The following ARL8B variants were observed in gnomAD, a reference collection of about 807,000 sequenced individuals.
The protein encoded by ARL8B is ADP-ribosylation factor-like protein 8B.
A neutral mutation model predicts 30.6 loss-of-function variants in ARL8B; 9 were observed. The observed-to-expected ratio is 0.29, with a 90% CI of 0.18 to 0.51. The LOEUF (loss-of-function observed/expected upper bound fraction) is 0.51, where lower values mean the gene tolerates loss of function less well. Among genes scored for constraint, ARL8B ranks in the 20% least tolerant of loss-of-function variants. The pLI, the probability that ARL8B is intolerant of heterozygous loss-of-function variation, is 0.97. For synonymous variants in ARL8B, 74 were observed against 76.0 expected (o/e 0.97, Z 0.14); for missense variants, 130 against 227.2 (o/e 0.57, Z 2.75).
chr3:5,174,132 AT>A (rs2106573032), intron 5 of ARL8B, 48 bp downstream of exon 5: 1 of 1,514,234 alleles, frequency 6.6e-7, no homozygotes, highest in Non-Finnish European at 9.1e-7. Flanking sequence ...AAATTACCAT[AT>A]TTTGCCCACT....
rs1002841357 is a variant in ARL8B at position 5,178,976 on chromosome 3, GA to G, written c.*271del. The G allele has an allele frequency of 2.4e-5, 9 of 372,664 alleles. No homozygotes were observed. The highest frequency in any genetic ancestry group is 1.6e-4 in the South Asian group (2 of 12,140). 23.1% of individuals were successfully genotyped at this position (372,664 alleles called of 1,614,324 possible). ...AACCATGTGTAGAGCTTTAAAAACA[GA>G]AAAAAAACCCCATATACTTATGACC... On this transcript the variant is annotated 3_prime_UTR_variant, in exon 7 of 7. Transcript: ENST00000256496.
At chr3:5,134,263 C>G (rs182910550) in intron 1 of ARL8B, among the ~76,000 whole-genome samples, 1 of 152,328 alleles carries the variant, frequency 6.6e-6, no homozygotes, top group East Asian at 1.9e-4. Flanking sequence ...GCAGAATGTT[C>G]TCCACTCCTC....
At chr3:5,127,354 TG>T (rs2106551686) in intron 1 of ARL8B, among the ~76,000 whole-genome samples, 1 of 152,358 alleles carries the variant, frequency 6.6e-6, no homozygotes, top group East Asian at 1.9e-4. Flanking sequence ...ACATCTTTTT[TG>T]TATTTAATTT....
Position 5,172,680 on chromosome 3 carries a change from A to G in ARL8B, c.312A>G (p.Ile104Met). 1.2e-6 allele frequency: 2 copies of G among 1,612,630 alleles called. No homozygotes were observed. Among genetic ancestry groups the G allele is most frequent in the Non-Finnish European group, 8.5e-7 (1 of 1,179,154 alleles). The change falls in exon 4 of 7, where the codon ATA (isoleucine) becomes ATG (methionine). Residue 104 changes from isoleucine to methionine, a missense_variant. Coordinates refer to ENST00000256496, the MANE Select transcript of ARL8B (RefSeq NM_018184.3). Reference sequence around the variant, plus strand: ...TAGATGCTGCAGATCGTGAAAAGATAGAAGCTTCCCGAAATGAGCTACATA... The same window carrying G: ...TAGATGCTGCAGATCGTGAAAAGATGGAAGCTTCCCGAAATGAGCTACATA... ...YMIDAADREK[I>M]EASRNELHNL...
chr3:5,149,035 C>T (rs747326005), intron 1 of ARL8B, among the ~76,000 whole-genome samples: 4 of 152,200 alleles, frequency 2.6e-5, no homozygotes, highest in Non-Finnish European at 4.4e-5. Context: ...TCGGTTTGTC[C>T]GTCTCTGGCT....
intron 1 of ARL8B, among the ~76,000 whole-genome samples, chr3:5,139,911 A>G (rs2054357112): frequency 1.3e-5 from 2 of 151,520 alleles, no homozygotes; most frequent in South Asian, 4.2e-4. Flanking sequence ...CAGGGCTCAT[A>G]GGTCTTTCTG....
intron 1 of ARL8B, among the ~76,000 whole-genome samples, chr3:5,134,586 T>C (rs1049118737): frequency 1.3e-5 from 2 of 152,336 alleles, no homozygotes; most frequent in South Asian, 4.1e-4. Flanking sequence ...GATTTTTCTT[T>C]GGTGCCAGGT....
intron 4 of ARL8B, 97 bp from the exon 5 acceptor site, chr3:5,173,920 T>C (rs9814309): frequency 0.032 from 29,132 of 918,070 alleles, 636 homozygotes; most frequent in Non-Finnish European, 0.043. Context: ...TGGAATGTGT[T>C]AACATCTTAA....
At chr3:5,123,243 A>G (rs2054199536) in intron 1 of ARL8B, among the ~76,000 whole-genome samples, 1 of 152,212 alleles carries the variant, frequency 6.6e-6, no homozygotes, top group Non-Finnish European at 1.5e-5. Flanking sequence ...AAGCGACTAG[A>G]TAAGATGGAT....
chr3:5,147,745 A>G (rs1043943168), intron 1 of ARL8B, among the ~76,000 whole-genome samples: 7 of 151,858 alleles, frequency 4.6e-5, no homozygotes, highest in African/African-American at 1.7e-4. Flanking sequence ...AATCTTGTCT[A>G]ATTTTTTTGT....
chr3:5,150,257 G>A (rs1054520900), intron 1 of ARL8B, among the ~76,000 whole-genome samples: 1 of 152,008 alleles, frequency 6.6e-6, no homozygotes, highest in Non-Finnish European at 1.5e-5. Context: ...GAGGTTGAGA[G>A]TTCAAGACCA....
intron 1 of ARL8B, among the ~76,000 whole-genome samples, chr3:5,128,882 TTTAA>T (rs1345791853): frequency 6.6e-6 from 1 of 152,218 alleles, no homozygotes; most frequent in Non-Finnish European, 1.5e-5. Context: ...TATATTCTGG[TTTAA>T]TTGTTACAGT....
intron 1 of ARL8B, among the ~76,000 whole-genome samples, chr3:5,157,371 C>T (rs1287426775): frequency 6.6e-6 from 1 of 152,200 alleles, no homozygotes; most frequent in Non-Finnish European, 1.5e-5. Flanking sequence ...GTCTTAGTCT[C>T]CCATCTCCCA....
intron 1 of ARL8B, among the ~76,000 whole-genome samples, chr3:5,139,643 T>C (rs1314628324): frequency 6.6e-6 from 1 of 152,196 alleles, no homozygotes; most frequent in Non-Finnish European, 1.5e-5. Flanking sequence ...GATACTGCAG[T>C]TTCAGTAAGC....
intron 1 of ARL8B, among the ~76,000 whole-genome samples, chr3:5,150,333 C>T (rs2106562084): frequency 6.6e-6 from 1 of 151,934 alleles, no homozygotes; most frequent in South Asian, 2.1e-4. Context: ...CGTGGTGGCA[C>T]ACGCCTGTAA....
chr3:5,159,297 C>CA (rs56033027), intron 1 of ARL8B, among the ~76,000 whole-genome samples: 13,222 of 52,398 alleles, frequency 0.25, 1,942 homozygotes, highest in African/African-American at 0.35. Flanking sequence ...GACTCTGTCT[C>CA]AAAAAAAAAA....
Position 5,130,974 on chromosome 3 carries a change from CTG to C in ARL8B, c.123+8388_123+8389del, listed in dbSNP as rs1338101414. Among the ~76,000 whole-genome samples the C allele has an allele frequency of 6.6e-5, 10 of 152,040 alleles. No individual in the cohort carries two copies. In the South Asian group the frequency reaches 2.1e-3, roughly 32 times the overall value. ...TTTGTTTTTGAGATGGAGTCTCACTCTGTCATCCATGCTGGGAGTGCAGTGGC... is the reference window on the plus strand; with the variant it reads ...TTTGTTTTTGAGATGGAGTCTCACTCTCATCCATGCTGGGAGTGCAGTGGC... On this transcript the variant is annotated intron_variant, in intron 1 of 6. Coordinates refer to ENST00000256496, the MANE Select transcript of ARL8B (RefSeq NM_018184.3).
intron 6 of ARL8B, among the ~76,000 whole-genome samples, chr3:5,177,391 C>T (rs937996189): frequency 1.3e-5 from 2 of 151,486 alleles, no homozygotes; most frequent in Non-Finnish European, 2.9e-5. Flanking sequence ...CATAAAGATC[C>T]ATTTGTCTTT....
At chr3:5,171,774 GT>G (rs1190344346) in intron 2 of ARL8B, among the ~76,000 whole-genome samples, 1 of 152,334 alleles carries the variant, frequency 6.6e-6, no homozygotes, top group Non-Finnish European at 1.5e-5. Flanking sequence ...ATTCTGAATT[GT>G]TGTTTTCTGT....
Sources: gnomAD v4.1 joint callset for allele counts (sites outside exome capture counted in the v4.1 genomes callset) on GRCh38, gnomAD v4.1.1 for gene constraint, MANE v1.5 for transcripts, NCBI Gene and HGNC (gene_info 2026-07-23, HGNC 2026-07-21) for gene names.